The following CDH13 variants were observed in gnomAD, a reference collection of about 807,000 sequenced individuals.
The protein encoded by CDH13 is cadherin-13.
Under a neutral mutation model 63.8 loss-of-function variants are expected in CDH13, and 24 were observed. The observed-to-expected ratio is 0.38, with a 90% confidence interval of 0.27 to 0.53. CDH13 has a LOEUF of 0.53. CDH13 is among the 20% of genes least tolerant of loss of function. The pLI is 0.85. For synonymous variants in CDH13, 503 were observed against 355.3 expected (o/e 1.42, Z -4.67); for missense variants, 1,049 against 903.1 (o/e 1.16, Z -2.07).
At chr16:83,351,995 C>T (rs2090960813) in intron 6 of CDH13, among the ~76,000 whole-genome samples, 1 of 152,144 alleles carries the variant, frequency 6.6e-6, no homozygotes, top group Non-Finnish European at 1.5e-5. Flanking sequence ...GGAATCCTTG[C>T]TGGATATTGT....
At chr16:82,853,995 G>A (rs145019913) in intron 1 of CDH13, among the ~76,000 whole-genome samples, 2 of 152,304 alleles carry the variant, frequency 1.3e-5, no homozygotes, top group African/African-American at 4.8e-5. Flanking sequence ...GCAATGAGGG[G>A]TGCTGCTTTA....
chr16:82,631,441 T>C (rs1326094811), intron 1 of CDH13, among the ~76,000 whole-genome samples: 1 of 152,192 alleles, frequency 6.6e-6, no homozygotes. Context: ...GAAGGAAATA[T>C]CCCCCTGTCA....
chr16:82,716,517 T>G (rs2032382626), intron 1 of CDH13, among the ~76,000 whole-genome samples: 1 of 150,572 alleles, frequency 6.6e-6, no homozygotes, highest in African/African-American at 2.5e-5. Context: ...TTGTAAAAGT[T>G]GGGGATTATG....
chr16:83,216,433 T>TACATAA (rs1482008559), intron 4 of CDH13, among the ~76,000 whole-genome samples: 1 of 115,430 alleles, frequency 8.7e-6, no homozygotes, highest in Non-Finnish European at 1.8e-5. Flanking sequence ...TATATATATA[T>TACATAA]ATATATATAT....
intron 6 of CDH13, among the ~76,000 whole-genome samples, chr16:83,418,531 A>G (rs2071619337): frequency 6.6e-6 from 1 of 152,224 alleles, no homozygotes; most frequent in African/African-American, 2.4e-5. Context: ...TAGTGAGGGT[A>G]TGAGGCAGAC....
At chr16:83,389,256 C>A (rs1275715702) in intron 6 of CDH13, among the ~76,000 whole-genome samples, 1 of 151,972 alleles carries the variant, frequency 6.6e-6, no homozygotes, top group Non-Finnish European at 1.5e-5. Flanking sequence ...TATAAAATTG[C>A]CATAGTTGTT....
At chr16:83,409,055 G>C (rs1276808256) in intron 6 of CDH13, among the ~76,000 whole-genome samples, 2 of 152,084 alleles carry the variant, frequency 1.3e-5, no homozygotes, top group Non-Finnish European at 2.9e-5. Context: ...GCTGAGGCAA[G>C]AAATCAAGTC....
At position 83,076,634 on chromosome 16, in the gene CDH13, A is replaced by ATC. The variant is rs938490166; in HGVS notation, c.366+44417_366+44418dup. 8.6e-4 allele frequency among the ~76,000 whole-genome samples: 130 copies of ATC among 150,816 alleles called. 1 individual carries two copies. The highest frequency in any genetic ancestry group is 2.8e-3 in the African/African-American group (115 of 40,880). On this transcript the variant is annotated intron_variant, in intron 3 of 13. Coordinates refer to ENST00000567109, the MANE Select transcript of CDH13 (RefSeq NM_001257.5). ...TTGCTTTATATATATAAATATACACATCACACACACACACACACAGTCCCT... is the reference window on the plus strand; with the variant it reads ...TTGCTTTATATATATAAATATACACATCTCACACACACACACACACAGTCCCT...
intron 7 of CDH13, among the ~76,000 whole-genome samples, chr16:83,493,906 G>GAA (rs2074076453): frequency 6.6e-6 from 1 of 152,192 alleles, no homozygotes. Context: ...GACATTTCTA[G>GAA]CCTGATGGAG....
chr16:82,832,741 G>A (rs1185744252), intron 1 of CDH13, among the ~76,000 whole-genome samples: 2 of 152,144 alleles, frequency 1.3e-5, no homozygotes, highest in African/African-American at 2.4e-5. Flanking sequence ...GGATCAGTCA[G>A]CCTGGTACAA....
At chr16:83,483,195 A>G (rs988319718) in intron 6 of CDH13, among the ~76,000 whole-genome samples, 2 of 152,232 alleles carry the variant, frequency 1.3e-5, no homozygotes, top group African/African-American at 2.4e-5. Flanking sequence ...ACCTATTTAC[A>G]TAACTCAGGC....
At chr16:82,942,939 G>C (rs994324482) in intron 2 of CDH13, among the ~76,000 whole-genome samples, 1 of 152,124 alleles carries the variant, frequency 6.6e-6, no homozygotes, top group African/African-American at 2.4e-5. Flanking sequence ...CAGAGTCTGT[G>C]CTCTACCCCG....
At chr16:82,712,529 C>G (rs1489048764) in intron 1 of CDH13, among the ~76,000 whole-genome samples, 2 of 152,184 alleles carry the variant, frequency 1.3e-5, no homozygotes, top group Admixed American at 6.5e-5. Flanking sequence ...ATCATGGTGG[C>G]TTTCAAACTC....
intron 1 of CDH13, among the ~76,000 whole-genome samples, chr16:82,801,788 G>C (rs544037572): frequency 6.6e-6 from 1 of 152,192 alleles, no homozygotes; most frequent in African/African-American, 2.4e-5. Flanking sequence ...AATCTATACA[G>C]GTGTAGATTG....
chr16:82,718,274 A>G (rs992610162), intron 1 of CDH13, among the ~76,000 whole-genome samples: 1 of 151,980 alleles, frequency 6.6e-6, no homozygotes, highest in African/African-American at 2.4e-5. Context: ...TTATCTACCA[A>G]CTCCCCTTCT....
intron 8 of CDH13, among the ~76,000 whole-genome samples, chr16:83,651,620 G>C (rs1436176841): frequency 2.6e-5 from 3 of 117,524 alleles, no homozygotes; most frequent in Non-Finnish European, 5.0e-5. Flanking sequence ...TTTTGAGATG[G>C]AATCTTGCTC....
chr16:83,503,708 C>G (rs1222906407), intron 7 of CDH13, among the ~76,000 whole-genome samples: 1 of 152,130 alleles, frequency 6.6e-6, no homozygotes, highest in African/African-American at 2.4e-5. Context: ...AGTTTCTGTT[C>G]ATATCCTTCG....
rs145744542 is a variant in CDH13 at position 82,870,911 on chromosome 16, C to A, written c.157+12438C>A. ...GATTGTAGCTGAAAGCTTGCTATGGCCCTCCAATATTTATCTTTCTGATAT... is the reference window on the plus strand; with the variant it reads ...GATTGTAGCTGAAAGCTTGCTATGGACCTCCAATATTTATCTTTCTGATAT... On this transcript the variant is annotated intron_variant, in intron 2 of 13. Coordinates refer to ENST00000567109, the MANE Select transcript of CDH13 (RefSeq NM_001257.5). Among the ~76,000 whole-genome samples the A allele has an allele frequency of 5.3e-3, 813 of 151,968 alleles. 12 individuals are homozygous for A. The highest frequency in any genetic ancestry group is 0.019 in the African/African-American group (766 of 41,256).
chr16:82,659,654 A>G (rs1911704031), intron 1 of CDH13, among the ~76,000 whole-genome samples: 1 of 152,212 alleles, frequency 6.6e-6, no homozygotes, highest in South Asian at 2.1e-4. Context: ...CAGGCCAGGT[A>G]CTGTGCGAGG....
Sources: allele counts gnomAD v4.1 joint callset (sites outside exome capture counted in the v4.1 genomes callset), GRCh38; gene constraint gnomAD v4.1.1; transcripts MANE v1.5; gene names NCBI Gene and HGNC (gene_info 2026-07-23, HGNC 2026-07-21).